The following EFEMP1 variants were observed in gnomAD, a reference collection of about 807,000 sequenced individuals.
EFEMP1 encodes EGF-like fibulin extracellular matrix protein 1, also known as EGF-containing fibulin-like extracellular matrix protein 1.
Under a neutral mutation model 65.7 loss-of-function variants are expected in EFEMP1, and 18 were observed. The observed-to-expected ratio is 0.27, with a 90% CI of 0.19 to 0.41. The LOEUF is 0.41. Among genes scored for constraint, EFEMP1 ranks in the 10% least tolerant of loss-of-function variants. EFEMP1 has a pLI of 1.00. For synonymous variants in EFEMP1, 237 were observed against 219.7 expected (o/e 1.08, Z -0.70); for missense variants, 469 against 624.8 (o/e 0.75, Z 2.66).
chr2:55,918,024 T>C lies in EFEMP1; in HGVS notation c.158A>G (p.Asp53Gly). The C allele has an allele frequency of 1.2e-6, 2 of 1,614,216 alleles. No individual in the cohort carries two copies. The highest frequency in any genetic ancestry group is 1.7e-6 in the Non-Finnish European group (2 of 1,180,038). Residue 53 changes from aspartate (D) to glycine (G), a missense_variant, in exon 5 of 12, where the codon GAC becomes GGC. Asp to Gly is a moderately conservative substitution (Grantham distance 94, BLOSUM62 -1). Around this residue, in one of 3 missense-constraint regions of EFEMP1, gnomAD observed 66 missense variants for 73.0 expected, o/e 0.90. Transcript: ENST00000355426. ...ACACTTCATTCCACCTTTACAAGCGTCTGGGACAATGTCACATTCATCAAT... is the reference window on the plus strand; with the variant it reads ...ACACTTCATTCCACCTTTACAAGCGCCTGGGACAATGTCACATTCATCAAT... Reference protein sequence around the residue: ...KDIDECDIVPDACKGGMKCVN... With the variant: ...KDIDECDIVPGACKGGMKCVN...
chr2:55,868,859 C>G (rs17278665), intron 11 of EFEMP1, among the ~76,000 whole-genome samples: 20,426 of 152,118 alleles, frequency 0.13, 1,501 homozygotes, highest in Middle Eastern at 0.19. Context: ...ACCTAACTAA[C>G]CTGCTGTTGA....
At chr2:55,875,365 C>CACACATAT (rs1457478860) in intron 8 of EFEMP1, among the ~76,000 whole-genome samples, 5 of 137,102 alleles carry the variant, frequency 3.6e-5, no homozygotes, top group South Asian at 3.0e-4. Context: ...CACACACACA[C>CACACATAT]ATATATATTT....
intron 5 of EFEMP1, among the ~76,000 whole-genome samples, chr2:55,908,087 A>G (rs1453678186): frequency 2.0e-5 from 3 of 151,996 alleles, no homozygotes; most frequent in African/African-American, 7.3e-5. Flanking sequence ...TCACTTATCT[A>G]GCTCCCCCGA....
intron 5 of EFEMP1, among the ~76,000 whole-genome samples, chr2:55,892,837 A>G (rs892146481): frequency 3.9e-5 from 6 of 152,142 alleles, no homozygotes; most frequent in African/African-American, 1.4e-4. Flanking sequence ...TAAACGGATG[A>G]AAAAAACCAA....
chr2:55,901,425 T>A (rs1311000119), intron 5 of EFEMP1, among the ~76,000 whole-genome samples: 1 of 152,156 alleles, frequency 6.6e-6, no homozygotes, highest in Non-Finnish European at 1.5e-5. Context: ...TGAGGAGGAT[T>A]GATAGCATTT....
At chr2:55,874,772 A>G (rs1453184085) in intron 9 of EFEMP1, among the ~76,000 whole-genome samples, 174 bp downstream of exon 9, 1 of 152,034 alleles carries the variant, frequency 6.6e-6, no homozygotes, top group Non-Finnish European at 1.5e-5. Flanking sequence ...GCATTAGCAT[A>G]GAATCACCTC....
intron 5 of EFEMP1, among the ~76,000 whole-genome samples, chr2:55,895,617 C>T (rs1572820573): frequency 6.6e-6 from 1 of 151,662 alleles, no homozygotes; most frequent in African/African-American, 2.4e-5. Context: ...TCTCGGCTCA[C>T]TGCAGGCTCC....
chr2:55,901,167 G>A (rs910745331), intron 5 of EFEMP1, among the ~76,000 whole-genome samples: 19 of 152,192 alleles, frequency 1.2e-4, no homozygotes, highest in African/African-American at 4.1e-4. Context: ...GATGGAGAAT[G>A]TGATATCCAT....
intron 7 of EFEMP1, 93 bp from the exon 8 acceptor site, chr2:55,876,835 A>G (rs1467217293): frequency 1.9e-5 from 14 of 741,516 alleles, no homozygotes; most frequent in Non-Finnish European, 2.2e-5. Flanking sequence ...ACTCTTTTGT[A>G]CCTACGTCAT....
rs1405016593 is a variant in EFEMP1, at chr2:55,870,672, C to G, written c.1320+48G>C. 6.3e-7 allele frequency: 1 copy of G among 1,599,594 alleles called. No homozygotes were observed. Among genetic ancestry groups the G allele is most frequent in the Admixed American group, 1.7e-5 (1 of 59,782 alleles). ...ACAACAACAACAACAACAACAACAA[C>G]AAACTCCCATCTTTCTCAATAGTTA... On this transcript the variant is annotated intron_variant, in intron 11 of 11. Coordinates refer to ENST00000355426, the MANE Select transcript of EFEMP1 (RefSeq NM_001039348.3). This position sits in a 1 kb window ranked among gnomAD's most constrained non-coding sequence, Gnocchi z 5.8.
At chr2:55,914,864 C>CA (rs887752241) in intron 5 of EFEMP1, among the ~76,000 whole-genome samples, 3 of 152,224 alleles carry the variant, frequency 2.0e-5, no homozygotes, top group African/African-American at 7.2e-5. Context: ...GTCCTTAGAG[C>CA]ACATTATTGT....
intron 11 of EFEMP1, among the ~76,000 whole-genome samples, chr2:55,869,807 AG>A (rs1304623573): frequency 1.3e-5 from 2 of 152,154 alleles, no homozygotes; most frequent in African/African-American, 4.8e-5. Flanking sequence ...ACTGCTTGGT[AG>A]GGTGCCATCA....
At chr2:55,900,668 T>TC (rs1157506049) in intron 5 of EFEMP1, among the ~76,000 whole-genome samples, 2 of 84,966 alleles carry the variant, frequency 2.4e-5, no homozygotes, top group African/African-American at 1.9e-4. Context: ...TTTCTCTATT[T>TC]TTCTCTCTGG....
rs1399369778 is a variant in EFEMP1, at chr2:55,896,463, ACCTGT to A, written c.518-14734_518-14730del. Among the ~76,000 whole-genome samples, 19 of 152,196 alleles carry A rather than the reference ACCTGT, an allele frequency of 1.2e-4. 1 individual carries two copies. The highest frequency in any genetic ancestry group is 2.5e-4 in the Non-Finnish European group (17 of 68,036). ...TAGAAATGGCCTGAAACGATGCATTACCTGTTGATTCAATTTTTAAGGCTAGTTTG... is the reference window on the plus strand; with the variant it reads ...TAGAAATGGCCTGAAACGATGCATTATGATTCAATTTTTAAGGCTAGTTTG... On this transcript the variant is annotated intron_variant, in intron 5 of 11. Transcript: ENST00000355426.
At chr2:55,911,960 T>C (rs1239174086) in intron 5 of EFEMP1, among the ~76,000 whole-genome samples, 1 of 152,214 alleles carries the variant, frequency 6.6e-6, no homozygotes, top group South Asian at 2.1e-4. Flanking sequence ...AGATTTTTTT[T>C]AGGAGTAAAT....
At chr2:55,888,334 C>CTTTTTTTTTTTTTTTTTTTT (rs71713705) in intron 5 of EFEMP1, among the ~76,000 whole-genome samples, 3 of 114,308 alleles carry the variant, frequency 2.6e-5, no homozygotes, top group African/African-American at 3.6e-5. Flanking sequence ...CCTTCTTAAA[C>CTTTTTTTTTTTTTTTTTTTT]TTTTTTTTTT....
chr2:55,916,021 C>T (rs1377665883), intron 5 of EFEMP1, among the ~76,000 whole-genome samples: 2 of 151,854 alleles, frequency 1.3e-5, no homozygotes, highest in Non-Finnish European at 2.9e-5. Flanking sequence ...ACCATCACAA[C>T]ATGGGTTAGG....
rs542667534 is a variant in EFEMP1 at position 55,903,987 on chromosome 2, G to C, written c.517+13678C>G. 8.5e-5 allele frequency among the ~76,000 whole-genome samples: 13 copies of C among 152,106 alleles called. No individual in the cohort carries two copies. The East Asian group carries it at 2.5e-3, about 29-fold the overall frequency. ...TCTGCCTGTCATTTCTCTTACAGGG[G>C]GTCCTGTCTTTCAGGGTAAGAAGCA... On this transcript the variant is annotated intron_variant, in intron 5 of 11. Coordinates refer to ENST00000355426, the MANE Select transcript of EFEMP1 (RefSeq NM_001039348.3).
Position 55,875,022 on chromosome 2 carries a change from T to A in EFEMP1, c.924A>T (p.Gln308His). The change falls in exon 9 of 12, where the codon CAA (glutamine) becomes CAT (histidine). Residue 308 changes from glutamine to histidine, a missense_variant. Gln to His is a conservative substitution (Grantham distance 24). Coordinates refer to ENST00000355426, the MANE Select transcript of EFEMP1 (RefSeq NM_001039348.3). Reference protein sequence around the residue: ...CRTSSYLCQYQCVNEPGKFSC... With the variant: ...CRTSSYLCQYHCVNEPGKFSC... Reference sequence around the variant, plus strand: ...AGAATTTCCCAGGTTCATTGACACATTGATATTGACACAGGTAGCTTGAGG... The same window carrying A: ...AGAATTTCCCAGGTTCATTGACACAATGATATTGACACAGGTAGCTTGAGG... 1 of 1,608,226 alleles carries A rather than the reference T, an allele frequency of 6.2e-7. No homozygotes were observed. Among genetic ancestry groups the A allele is most frequent in the Middle Eastern group, 1.7e-4 (1 of 6,028 alleles).
Sources: gnomAD v4.1 joint callset for allele counts (sites outside exome capture counted in the v4.1 genomes callset) on GRCh38, gnomAD v4.1.1 for gene constraint, gnomAD v4.1.1 regional missense constraint, Gnocchi (gnomAD v3.1) non-coding constraint, MANE v1.5 for transcripts, NCBI Gene and HGNC (gene_info 2026-07-23, HGNC 2026-07-21) for gene names.